Variants in DLG2 observed in about 807,000 individuals in gnomAD.
DLG2 encodes the protein discs large MAGUK scaffold protein 2.
Under a neutral mutation model 132.5 loss-of-function variants are expected in DLG2, and 45 were observed. That is an observed-to-expected ratio of 0.34 (90% CI 0.27 to 0.44). DLG2 has a LOEUF of 0.44. Ranked by LOEUF, DLG2 falls within the 20% of genes least tolerant of loss-of-function variation. The pLI, the probability that DLG2 is intolerant of heterozygous loss-of-function variation, is 1.00. For missense variants in DLG2, 1,045 were observed against 1,196.9 expected, an observed-to-expected ratio of 0.87 and a Z score of 1.87; for synonymous variants, 424 against 419.6, an observed-to-expected ratio of 1.01 and a Z score of -0.13.
chr11:84,380,440 G>A (rs2098745364), intron 7 of DLG2, among the ~76,000 whole-genome samples: 1 of 151,914 alleles, frequency 6.6e-6, no homozygotes, highest in Non-Finnish European at 1.5e-5. Context: ...TGAGAAATCA[G>A]GAATAAAGAA....
intron 4 of DLG2, among the ~76,000 whole-genome samples, chr11:85,210,586 A>G (rs10792810): frequency 6.6e-6 from 1 of 151,870 alleles, no homozygotes. Context: ...TAAGCCACTC[A>G]GATCTCTTTC....
chr11:84,647,662 C>T (rs992607733), intron 6 of DLG2, among the ~76,000 whole-genome samples: 2 of 152,180 alleles, frequency 1.3e-5, no homozygotes, highest in African/African-American at 4.8e-5. Context: ...GCATTATGTA[C>T]TCATTAAATG....
chr11:84,339,319 C>T (rs537775650), intron 7 of DLG2, among the ~76,000 whole-genome samples: 77 of 152,306 alleles, frequency 5.1e-4, no homozygotes, highest in African/African-American at 1.8e-3. Flanking sequence ...ACCATTATTT[C>T]GTCATATCCT....
intron 7 of DLG2, among the ~76,000 whole-genome samples, chr11:84,387,927 G>GA (rs1479468075): frequency 6.6e-6 from 1 of 152,152 alleles, no homozygotes; most frequent in African/African-American, 2.4e-5. Flanking sequence ...CCTTGTCAAA[G>GA]ACCATGCACA....
At chr11:84,476,810 A>G (rs964210599) in intron 7 of DLG2, among the ~76,000 whole-genome samples, 9 of 152,188 alleles carry the variant, frequency 5.9e-5, no homozygotes, top group African/African-American at 2.2e-4. Context: ...ATTTGAATGA[A>G]TGAACCAGCA....
chr11:84,983,758 G>A (rs962249997), intron 6 of DLG2, among the ~76,000 whole-genome samples: 1 of 152,094 alleles, frequency 6.6e-6, no homozygotes, highest in Non-Finnish European at 1.5e-5. Flanking sequence ...AATACAAGAA[G>A]TGAAGGAAGA....
intron 8 of DLG2, among the ~76,000 whole-genome samples, chr11:84,240,733 A>G (rs565466515): frequency 6.6e-6 from 1 of 152,310 alleles, no homozygotes; most frequent in South Asian, 2.1e-4. Flanking sequence ...GAAAAGGCTC[A>G]AGAGGAGCTT....
chr11:84,200,015 A>C (rs1002645784), intron 8 of DLG2, among the ~76,000 whole-genome samples: 1 of 152,068 alleles, frequency 6.6e-6, no homozygotes, highest in African/African-American at 2.4e-5. Flanking sequence ...TATAAATTTT[A>C]AAAAAGAAAG....
intron 5 of DLG2, among the ~76,000 whole-genome samples, chr11:85,137,213 G>C (rs773377681): frequency 6.6e-6 from 1 of 152,012 alleles, no homozygotes; most frequent in African/African-American, 2.4e-5. Flanking sequence ...TATTGTGTTA[G>C]AAAAACAGTA....
chr11:85,110,163 T>C (rs2072471651), intron 6 of DLG2, among the ~76,000 whole-genome samples: 1 of 152,038 alleles, frequency 6.6e-6, no homozygotes, highest in African/African-American at 2.4e-5. Flanking sequence ...GTGTTCTATT[T>C]ATGAACAAAT....
rs114823185 is a variant in DLG2, at chr11:84,232,848, A to G, written c.573+18390T>C. Among the ~76,000 whole-genome samples the G allele has an allele frequency of 7.8e-3, 1,186 of 152,338 alleles. 20 individuals carry two copies. The highest frequency in any genetic ancestry group is 0.024 in the African/African-American group (1,011 of 41,584). On this transcript the variant is annotated intron_variant, in intron 8 of 27. Transcript: ENST00000376104. ...TATAAATAAGAATAAAATATTGAAG[A>G]GATCAAGGCCATGATATAGGAGAGC...
chr11:85,036,879 T>C (rs747241584), intron 6 of DLG2, among the ~76,000 whole-genome samples: 1 of 152,174 alleles, frequency 6.6e-6, no homozygotes, highest in Non-Finnish European at 1.5e-5. Flanking sequence ...GAGGGAGTGC[T>C]GATCAGTTAC....
At chr11:85,205,712 A>G (rs1212667336) in intron 4 of DLG2, among the ~76,000 whole-genome samples, 1 of 152,180 alleles carries the variant, frequency 6.6e-6, no homozygotes, top group Non-Finnish European at 1.5e-5. Context: ...AAAGTTCCCT[A>G]TGGGATTCAA....
chr11:85,531,713 T>G (rs921584804), intron 3 of DLG2, among the ~76,000 whole-genome samples: 1 of 152,174 alleles, frequency 6.6e-6, no homozygotes, highest in African/African-American at 2.4e-5. Flanking sequence ...AGCCTGTGAC[T>G]GAATCAGGTT....
At chr11:84,748,623 T>A (rs1164492862) in intron 6 of DLG2, among the ~76,000 whole-genome samples, 4 of 152,192 alleles carry the variant, frequency 2.6e-5, no homozygotes, top group Non-Finnish European at 2.9e-5. Flanking sequence ...AAAAGCGACC[T>A]AAAACATAAA....
At chr11:84,649,727 T>C (rs2099679249) in intron 6 of DLG2, among the ~76,000 whole-genome samples, 1 of 152,198 alleles carries the variant, frequency 6.6e-6, no homozygotes, top group Non-Finnish European at 1.5e-5. Flanking sequence ...GATCTTGTCT[T>C]TGGCCCATTT....
intron 7 of DLG2, among the ~76,000 whole-genome samples, chr11:84,265,602 G>C (rs183286128): frequency 6.6e-6 from 1 of 152,050 alleles, no homozygotes; most frequent in African/African-American, 2.4e-5. Flanking sequence ...GATAAAACTC[G>C]TCTTGCCTAA....
At chr11:84,219,555 A>T (rs1289526938) in intron 8 of DLG2, among the ~76,000 whole-genome samples, 1 of 152,234 alleles carries the variant, frequency 6.6e-6, no homozygotes, top group Non-Finnish European at 1.5e-5. Context: ...GTAACAAATT[A>T]TTAGGGAAAA....
chr11:85,094,336 G>T (rs2069367182), intron 6 of DLG2, among the ~76,000 whole-genome samples: 1 of 152,204 alleles, frequency 6.6e-6, no homozygotes, highest in South Asian at 2.1e-4. Context: ...AGGTCCATAA[G>T]TTCCTAACAA....
Sources: gnomAD v4.1 joint callset for allele counts (sites outside exome capture counted in the v4.1 genomes callset) on GRCh38, gnomAD v4.1.1 for gene constraint, MANE v1.5 for transcripts, NCBI Gene and HGNC (gene_info 2026-07-23, HGNC 2026-07-21) for gene names.